The following ATP1A3 variants were observed in gnomAD, a reference collection of about 807,000 sequenced individuals.
The protein encoded by ATP1A3 is ATPase Na+/K+ transporting subunit alpha 3.
ATP1A3 carries 12 observed loss-of-function variants against 108.8 expected under a neutral mutation model. The ratio of observed to expected loss-of-function variants is 0.11; its 90% confidence interval spans 0.07 to 0.18. The LOEUF is 0.18. Ranked by LOEUF, ATP1A3 falls within the 10% of genes least tolerant of loss-of-function variation. The pLI is 1.00. For missense variants in ATP1A3, 498 were observed against 1,387.7 expected, an observed-to-expected ratio of 0.36 and a Z score of 10.19; for synonymous variants, 539 against 564.5, an observed-to-expected ratio of 0.95 and a Z score of 0.64.
chr19:41,975,597 C>T lies in ATP1A3; in HGVS notation c.2263+32G>A, dbSNP rs782366901. On this transcript the variant is annotated intron_variant, in intron 16 of 22. Coordinates refer to ENST00000648268, the MANE Select transcript of ATP1A3 (RefSeq NM_152296.5). ...TGGTCTCAGGCCTCCGGTAGTGACC[C>T]TGGTCTCCAGGGCCACCCCTGGCCA... The T allele has an allele frequency of 3.7e-6, 6 of 1,613,468 alleles. No individual in the cohort carries two copies. In the South Asian group the frequency reaches 6.6e-5, roughly 18 times the overall value.
intron 16 of ATP1A3, 127 bp downstream of exon 16, chr19:41,975,502 C>G: frequency 7.2e-7 from 1 of 1,382,772 alleles, no homozygotes. Context: ...CAGGCTCAGG[C>G]TCCTCCAGGG....
chr19:41,977,536 A>C (rs2075184843), intron 14 of ATP1A3, among the ~76,000 whole-genome samples: 1 of 145,490 alleles, frequency 6.9e-6, no homozygotes. Context: ...AAAATACAAA[A>C]AAAAAAAAAA....
chr19:41,969,064 T>G, intron 19 of ATP1A3, 149 bp from the exon 20 acceptor site: 1 of 1,230,626 alleles, frequency 8.1e-7, no homozygotes, highest in Non-Finnish European at 1.2e-6. Flanking sequence ...GGGCTCATAG[T>G]CCCGAGGGAG....
At position 41,966,837 on chromosome 19, in the gene ATP1A3, A is replaced by G. The variant is rs1555858633; in HGVS notation, c.*100T>C. 1 of 1,545,780 alleles carries G rather than the reference A, an allele frequency of 6.5e-7. No individual in the cohort carries two copies. Among genetic ancestry groups the G allele is most frequent in the Non-Finnish European group, 8.7e-7 (1 of 1,144,252 alleles). On this transcript the variant is annotated 3_prime_UTR_variant, in exon 23 of 23. Transcript: ENST00000648268. ...GGGGCCAAGGTGGGGCCACAGGAAGAGAGGGCTCCTCCCCCCAGAATACAA... is the reference window on the plus strand; with the variant it reads ...GGGGCCAAGGTGGGGCCACAGGAAGGGAGGGCTCCTCCCCCCAGAATACAA...
chr19:41,976,570 G>A lies in ATP1A3; in HGVS notation c.1944-4C>T. 6.2e-7 allele frequency: 1 copy of A among 1,613,972 alleles called. No individual in the cohort carries two copies. Among genetic ancestry groups the A allele is most frequent in the South Asian group, 1.1e-5 (1 of 91,074 alleles). ...GATCACGCAGGCCTTGGCATCCCTGGGAAGAGCAGAGAGAGCGATGGCTGA... is the reference window on the plus strand; with the variant it reads ...GATCACGCAGGCCTTGGCATCCCTGAGAAGAGCAGAGAGAGCGATGGCTGA... On this transcript the variant is annotated splice_region_variant and splice_polypyrimidine_tract_variant and intron_variant, in intron 14 of 22. Transcript: ENST00000648268.
rs1168002399 is a variant in ATP1A3, at chr19:41,970,626, CTTTTTTTTT to C, written c.2264-93_2264-85del. 4.2e-4 allele frequency: 326 copies of C among 771,276 alleles called. 1 individual carries two copies. The highest frequency in any genetic ancestry group is 1.2e-4 in the Non-Finnish European group (64 of 548,428). The allele number at this position is 771,276 out of a possible 1,614,324, so 47.8% of individuals were successfully genotyped here. A position where few individuals can be genotyped will look rare whatever the true frequency, so the allele number is the denominator to read the frequency against. ...CCCTCCTCTGCCCTCATCCAACGTCCTTTTTTTTTTTTTTTTTTTTTTTGAGACAGAGTC... is the reference window on the plus strand; with the variant it reads ...CCCTCCTCTGCCCTCATCCAACGTCCTTTTTTTTTTTTTTGAGACAGAGTC... On this transcript the variant is annotated intron_variant, in intron 16 of 22. Coordinates refer to ENST00000648268, the MANE Select transcript of ATP1A3 (RefSeq NM_152296.5).
In ATP1A3 at chr19:41,978,781, G is replaced by C. The variant is rs372153087; in HGVS notation, c.1455C>G (p.Thr485=). ...TNKYQLSIHE[T]EDPNDNRYLL... ...GGTATCGGTTGTCGTTGGGGTCCTCGGTCTCATGGATGGAGAGCTGGGGAC... is the reference window on the plus strand; with the variant it reads ...GGTATCGGTTGTCGTTGGGGTCCTCCGTCTCATGGATGGAGAGCTGGGGAC... Residue 485 remains threonine (T), a synonymous_variant, in exon 12 of 23, where the codon ACC becomes ACG. Transcript: ENST00000648268. The surrounding 1 kb of genome is among the most constrained non-coding windows in gnomAD (Gnocchi z 8.3). 10 of 1,613,880 alleles carry C rather than the reference G, an allele frequency of 6.2e-6. No individual in the cohort carries two copies. The highest frequency in any genetic ancestry group is 3.3e-5 in the Admixed American group (2 of 59,988).
chr19:41,967,807 C>A lies in ATP1A3; in HGVS notation c.2820-44G>T. The A allele has an allele frequency of 1.9e-6, 3 of 1,566,294 alleles. No individual in the cohort carries two copies. The highest frequency in any genetic ancestry group is 2.6e-6 in the Non-Finnish European group (3 of 1,141,340). ...AGGGCTGGGCCCAGAGAGCACCCACCCTGCACCTGCCACCCCGCAGAGACA... is the reference window on the plus strand; with the variant it reads ...AGGGCTGGGCCCAGAGAGCACCCACACTGCACCTGCCACCCCGCAGAGACA... On this transcript the variant is annotated intron_variant, in intron 20 of 22. Transcript: ENST00000648268. This position sits in a 1 kb window ranked among gnomAD's most constrained non-coding sequence, Gnocchi z 4.2.
chr19:41,988,225 C>A lies in ATP1A3; in HGVS notation c.154-86G>T. 6.2e-7 allele frequency: 1 copy of A among 1,612,026 alleles called. No individual in the cohort carries two copies. On this transcript the variant is annotated intron_variant, in intron 3 of 22. Coordinates refer to ENST00000648268, the MANE Select transcript of ATP1A3 (RefSeq NM_152296.5). This position sits in a 1 kb window ranked among gnomAD's most constrained non-coding sequence, Gnocchi z 5.3. Reference sequence around the variant, plus strand: ...ACCAGACCCCCAGAACTTAAGACACCAGCCACAGCCCCTCCTCCCTCAGAC... The same window carrying A: ...ACCAGACCCCCAGAACTTAAGACACAAGCCACAGCCCCTCCTCCCTCAGAC...
chr19:41,993,231 A>C, intron 1 of ATP1A3: 1 of 406,216 alleles, frequency 2.5e-6, no homozygotes, highest in Non-Finnish European at 4.5e-6. Context: ...GGGCTGCAGC[A>C]AGGGTCAGGT....
In ATP1A3 at chr19:41,978,593, G is replaced by A. The variant is rs577533282; in HGVS notation, c.1630+13C>T. 5.6e-6 allele frequency: 9 copies of A among 1,612,280 alleles called. No homozygotes were observed. The highest frequency in any genetic ancestry group is 6.8e-6 in the Non-Finnish European group (8 of 1,179,910). On this transcript the variant is annotated intron_variant, in intron 12 of 22. Transcript: ENST00000648268. The surrounding 1 kb of genome is among the most constrained non-coding windows in gnomAD (Gnocchi z 8.3). ...CCTCCAGGGACCCCAGAGCCCGCCC[G>A]GCAGCCTCGCACCAAGCACGCGCTC... is the stretch of plus-strand genomic sequence containing the variant.
intron 5 of ATP1A3, 39 bp downstream of exon 5, chr19:41,986,077 C>T: frequency 6.2e-7 from 1 of 1,614,134 alleles, no homozygotes; most frequent in Non-Finnish European, 8.5e-7. Flanking sequence ...AGCCCATACA[C>T]TAACACCCCC....
At chr19:41,974,299 C>G (rs2075143157) in intron 16 of ATP1A3, among the ~76,000 whole-genome samples, 1 of 152,080 alleles carries the variant, frequency 6.6e-6, no homozygotes, top group Non-Finnish European at 1.5e-5. Context: ...AAAAATCAGC[C>G]AGGTGTGATG....
chr19:41,988,751 C>A lies in ATP1A3; in HGVS notation c.7-189G>T. 2 of 1,212,472 alleles carry A rather than the reference C, an allele frequency of 1.6e-6. No individual in the cohort carries two copies. The highest frequency in any genetic ancestry group is 3.0e-5 in the South Asian group (2 of 65,578). The allele number at this position is 1,212,472 out of a possible 1,614,324, so 75.1% of individuals were successfully genotyped here. ...CCGGAGCCTCTGGGTGACTTCACCT[C>A]CCTTCTGCCTCTGGTGACTCTCAGG... On this transcript the variant is annotated intron_variant, in intron 1 of 22. Coordinates refer to ENST00000648268, the MANE Select transcript of ATP1A3 (RefSeq NM_152296.5). The surrounding 1 kb of genome is among the most constrained non-coding windows in gnomAD (Gnocchi z 5.3).
Position 41,966,705 on chromosome 19 carries a change from G to T in ATP1A3, c.*232C>A, listed in dbSNP as rs1555858585. 11 of 1,537,866 alleles carry T rather than the reference G, an allele frequency of 7.2e-6. No homozygotes were observed. The highest frequency in any genetic ancestry group is 9.7e-6 in the Non-Finnish European group (11 of 1,139,092). The stretch of plus-strand genomic sequence containing the variant: ...TGGGGCGGGAGGAATGGATAGAGGG[G>T]TGAGGAGAGGGAGAGAAACTGACAC... On this transcript the variant is annotated 3_prime_UTR_variant, in exon 23 of 23. Coordinates refer to ENST00000648268, the MANE Select transcript of ATP1A3 (RefSeq NM_152296.5).
chr19:41,981,752 C>G lies in ATP1A3; in HGVS notation c.1272G>C (p.Lys424Asn). ...IAGLCNRAVF[K>N]GGQDNIPVLK... is the part of the protein sequence containing the mutation. Reference sequence around the variant, plus strand: ...GCACAGGGATGTTGTCCTGACCACCCTTGAAGACAGCGCGATTGCAGAGCC... The same window carrying G: ...GCACAGGGATGTTGTCCTGACCACCGTTGAAGACAGCGCGATTGCAGAGCC... The change falls in exon 10 of 23, where the codon AAG (lysine) becomes AAC (asparagine). Residue 424 changes from lysine to asparagine, a missense_variant. Lys to Asn is a moderately conservative substitution (Grantham distance 94). This residue lies in a region of ATP1A3 where 36 missense variants were observed against 58.7 expected (regional missense o/e 0.61). Coordinates refer to ENST00000648268, the MANE Select transcript of ATP1A3 (RefSeq NM_152296.5). This position sits in a 1 kb window ranked among gnomAD's most constrained non-coding sequence, Gnocchi z 5.0. 1 of 1,614,218 alleles carries G rather than the reference C, an allele frequency of 6.2e-7. No homozygotes were observed. The highest frequency in any genetic ancestry group is 1.1e-5 in the South Asian group (1 of 91,082).
In ATP1A3 at chr19:41,968,660, A is replaced by G; in HGVS notation, c.2819+125T>C. ...CACTGAACTCCAGTCTGGGTGACAGAGTGAGACCCTGCCTCAACAAAACAA... is the reference window on the plus strand; with the variant it reads ...CACTGAACTCCAGTCTGGGTGACAGGGTGAGACCCTGCCTCAACAAAACAA... On this transcript the variant is annotated intron_variant, in intron 20 of 22. Transcript: ENST00000648268. This position sits in a 1 kb window ranked among gnomAD's most constrained non-coding sequence, Gnocchi z 5.0. 2 of 1,457,552 alleles carry G rather than the reference A, an allele frequency of 1.4e-6. No homozygotes were observed. The highest frequency in any genetic ancestry group is 9.3e-7 in the Non-Finnish European group (1 of 1,070,022). The allele number at this position is 1,457,552 out of a possible 1,614,324, so 90.3% of individuals were successfully genotyped here.
intron 16 of ATP1A3, among the ~76,000 whole-genome samples, chr19:41,974,852 C>T (rs1444774347): frequency 2.0e-5 from 3 of 152,206 alleles, no homozygotes; most frequent in Non-Finnish European, 4.4e-5. Flanking sequence ...AGCCTCAGAC[C>T]CAGCCCCTCA....
chr19:41,987,798 T>C (rs2075300342), intron 4 of ATP1A3, 138 bp downstream of exon 4: 1 of 1,179,128 alleles, frequency 8.5e-7, no homozygotes, highest in African/African-American at 1.5e-5. Context: ...CTGGTTCTCT[T>C]GCTGGGTGAT....
Sources: gnomAD v4.1 joint callset for allele counts (sites outside exome capture counted in the v4.1 genomes callset) on GRCh38, gnomAD v4.1.1 for gene constraint, gnomAD v4.1.1 regional missense constraint, Gnocchi (gnomAD v3.1) non-coding constraint, MANE v1.5 for transcripts, NCBI Gene and HGNC (gene_info 2026-07-23, HGNC 2026-07-21) for gene names.